The following ROBO2 variants were observed in gnomAD, a reference collection of about 807,000 sequenced individuals.
ROBO2 encodes roundabout guidance receptor 2.
In ROBO2, 53 loss-of-function variants were observed where a neutral mutation model predicts 160.8. The observed-to-expected ratio is 0.33, with a 90% CI of 0.26 to 0.41. ROBO2 has a LOEUF of 0.41. ROBO2 is among the 10% of genes least tolerant of loss of function. The probability of loss-of-function intolerance (pLI) is 1.00; values close to 1 mark genes in which losing one functional copy is unlikely to be tolerated. For missense variants in ROBO2, 1,577 were observed against 1,722.4 expected (o/e 0.92, Z 1.49); for synonymous variants, 664 against 611.7 (o/e 1.09, Z -1.26).
rs144464386 is a variant in ROBO2, at chr3:76,566,770, G to A, written c.110-531244G>A. Among the ~76,000 whole-genome samples the A allele has an allele frequency of 7.5e-4, 114 of 152,084 alleles. 2 individuals carry two copies. In the East Asian group the frequency reaches 0.021, roughly 28 times the overall value. On this transcript the variant is annotated intron_variant, in intron 2 of 26. Transcript: ENST00000487694. ...GGGAAGAAAGAAGAAAGGAAAAAGA[G>A]AGGAAGAAAAAGAGAGAGAAATAAG...
intron 2 of ROBO2, among the ~76,000 whole-genome samples, chr3:77,437,285 T>C (rs980174635): frequency 6.6e-6 from 1 of 152,024 alleles, no homozygotes; most frequent in African/African-American, 2.4e-5. Context: ...GTTTATGATA[T>C]GAGGATATAG....
chr3:76,184,204 T>C (rs983096387), intron 2 of ROBO2, among the ~76,000 whole-genome samples: 3 of 152,098 alleles, frequency 2.0e-5, no homozygotes, highest in Non-Finnish European at 1.5e-5. Flanking sequence ...GGCTTTCTCA[T>C]GCTTCTGTGT....
chr3:76,499,034 A>T (rs531789370), intron 2 of ROBO2, among the ~76,000 whole-genome samples: 26 of 152,070 alleles, frequency 1.7e-4, no homozygotes, highest in Admixed American at 1.3e-3. Flanking sequence ...CATCCACTTA[A>T]ATTTATCTGG....
intron 19 of ROBO2, among the ~76,000 whole-genome samples, chr3:77,599,659 T>TA (rs539353914): frequency 1.3e-5 from 2 of 151,164 alleles, no homozygotes; most frequent in Non-Finnish European, 2.9e-5. Flanking sequence ...AAAAAATAAA[T>TA]AAAAAATAAA....
intron 16 of ROBO2, among the ~76,000 whole-genome samples, chr3:77,583,854 GT>G (rs1159048139): frequency 6.6e-6 from 1 of 152,086 alleles, no homozygotes; most frequent in Non-Finnish European, 1.5e-5. Context: ...TGATGTCTTA[GT>G]TTTTACATTG....
chr3:77,535,881 A>G (rs1191871752), intron 6 of ROBO2, among the ~76,000 whole-genome samples: 2 of 152,192 alleles, frequency 1.3e-5, no homozygotes, highest in African/African-American at 4.8e-5. Flanking sequence ...GATTTCCTAT[A>G]GTTACCTATA....
chr3:76,798,301 A>AAAGG (rs1217362185), intron 2 of ROBO2, among the ~76,000 whole-genome samples: 1 of 150,878 alleles, frequency 6.6e-6, no homozygotes, highest in Admixed American at 6.6e-5. Flanking sequence ...AGAAAGAAAG[A>AAAGG]AAGAAAGAAA....
intron 2 of ROBO2, among the ~76,000 whole-genome samples, chr3:76,630,942 G>C (rs141463393): frequency 6.6e-6 from 1 of 152,060 alleles, no homozygotes; most frequent in African/African-American, 2.4e-5. Context: ...ATTTCTCTTC[G>C]ATGTCTAAAT....
chr3:76,261,168 ATGTGTGTGTG>A (rs66742168), intron 2 of ROBO2, among the ~76,000 whole-genome samples: 2,452 of 122,838 alleles, frequency 0.02, 80 homozygotes, highest in African/African-American at 0.062. Flanking sequence ...AAACTAAATT[ATGTGTGTGTG>A]TGTGTGTGTG....
At chr3:77,326,309 T>G (rs2065385955) in intron 2 of ROBO2, among the ~76,000 whole-genome samples, 1 of 152,198 alleles carries the variant, frequency 6.6e-6, no homozygotes, top group African/African-American at 2.4e-5. Context: ...GTAAAGACTA[T>G]TAGAAGCTCA....
intron 2 of ROBO2, among the ~76,000 whole-genome samples, chr3:76,941,427 T>C (rs2078179060): frequency 6.6e-6 from 1 of 152,170 alleles, no homozygotes; most frequent in African/African-American, 2.4e-5. Flanking sequence ...TCACCTAGAC[T>C]CACAAGGTCC....
At chr3:76,339,994 G>C (rs35275574) in intron 2 of ROBO2, among the ~76,000 whole-genome samples, 3 of 150,556 alleles carry the variant, frequency 2.0e-5, no homozygotes, top group Admixed American at 6.6e-5. Flanking sequence ...TATAATCATC[G>C]ACTATTTAAT....
chr3:76,058,542 C>G (rs2067937793), intron 2 of ROBO2, among the ~76,000 whole-genome samples: 1 of 139,438 alleles, frequency 7.2e-6, no homozygotes, highest in African/African-American at 2.7e-5. Flanking sequence ...ACGATTTCCA[C>G]TTGATGAACG....
intron 2 of ROBO2, among the ~76,000 whole-genome samples, chr3:75,998,279 T>G (rs2065787773): frequency 6.6e-6 from 1 of 152,244 alleles, no homozygotes; most frequent in Non-Finnish European, 1.5e-5. Flanking sequence ...ATTTGAATTT[T>G]ATTGCCCTAA....
At chr3:76,405,238 T>C (rs1193130720) in intron 2 of ROBO2, among the ~76,000 whole-genome samples, 3 of 151,498 alleles carry the variant, frequency 2.0e-5, no homozygotes. Context: ...GGTTCTCATA[T>C]AAGGTTAAAA....
chr3:76,126,053 A>T (rs1450292586), intron 2 of ROBO2, among the ~76,000 whole-genome samples: 1 of 152,040 alleles, frequency 6.6e-6, no homozygotes, highest in Admixed American at 6.6e-5. Flanking sequence ...ATCTCAGGTG[A>T]TCCACCCTCC....
intron 2 of ROBO2, among the ~76,000 whole-genome samples, chr3:76,188,681 A>G (rs1701871454): frequency 6.6e-6 from 1 of 152,072 alleles, no homozygotes; most frequent in African/African-American, 2.4e-5. Flanking sequence ...GTTTTAGATT[A>G]CCTTTTATGA....
rs182028257 is a variant in ROBO2, at chr3:77,115,348, A to G, written c.388+17008A>G. On this transcript the variant is annotated intron_variant, in intron 2 of 25. Transcript: ENST00000461745. The stretch of plus-strand genomic sequence containing the variant: ...CACATGTACTCAGAAAATAGGAGTC[A>G]TCTAAATTGCAAACTTGTTTAATAA... Among the ~76,000 whole-genome samples, 597 of 152,330 alleles carry G rather than the reference A, an allele frequency of 3.9e-3. 7 individuals are homozygous for G. The highest frequency in any genetic ancestry group is 0.014 in the Middle Eastern group (4 of 294).
chr3:75,988,101 C>T (rs1296233588), intron 2 of ROBO2, among the ~76,000 whole-genome samples: 4 of 151,832 alleles, frequency 2.6e-5, no homozygotes, highest in Admixed American at 1.3e-4. Context: ...GAAGGACTGG[C>T]GTTATTATAG....
Sources: gnomAD v4.1 joint callset for allele counts (sites outside exome capture counted in the v4.1 genomes callset) on GRCh38, gnomAD v4.1.1 for gene constraint, MANE v1.5 for transcripts, NCBI Gene and HGNC (gene_info 2026-07-23, HGNC 2026-07-21) for gene names.